PAN2: variants seen among roughly 807,000 people sequenced by gnomAD.
PAN2 encodes the protein poly(A) specific ribonuclease subunit PAN2.
PAN2 carries 68 observed loss-of-function variants against 133.3 expected under a neutral mutation model. The ratio of observed to expected loss-of-function variants is 0.51; its 90% confidence interval spans 0.42 to 0.62. The LOEUF (loss-of-function observed/expected upper bound fraction) is 0.62, where lower values mean the gene tolerates loss of function less well. PAN2 is among the 20% of genes least tolerant of loss of function. The pLI is 0.00. For missense variants in PAN2, 1,042 were observed against 1,500.5 expected (o/e 0.69, Z 5.05); for synonymous variants, 462 against 544.6 (o/e 0.85, Z 2.11).
chr12:56,318,489 T>C lies in PAN2; in HGVS notation c.3365-55A>G, dbSNP rs900854143. 3.6e-6 allele frequency: 5 copies of C among 1,395,382 alleles called. No individual in the cohort carries two copies. In the Admixed American group the frequency reaches 5.1e-5, roughly 14 times the overall value. 86.4% of individuals were successfully genotyped at this position (1,395,382 alleles called of 1,614,324 possible). A position where few individuals can be genotyped will look rare whatever the true frequency, so the allele number is the denominator to read the frequency against. The stretch of plus-strand genomic sequence containing the variant: ...GACCCAGCAAAGGGAGGTAGGAACA[T>C]GTCTCCCCACTCCTACCTGACTCCA... On this transcript the variant is annotated intron_variant, in intron 24 of 25. Transcript: ENST00000440411.
At chr12:56,322,544 G>A (rs1874676933) in intron 18 of PAN2, 62 bp from the exon 19 acceptor site, 1 of 1,610,432 alleles carries the variant, frequency 6.2e-7, no homozygotes, top group East Asian at 2.2e-5. Flanking sequence ...CTCTGTCTCA[G>A]ACTCAAGGAC....
intron 17 of PAN2, 122 bp downstream of exon 17, chr12:56,322,940 A>G: frequency 1.5e-6 from 2 of 1,336,640 alleles, no homozygotes; most frequent in Non-Finnish European, 2.1e-6. Context: ...CCTAACAGGT[A>G]AATACTAGGC....
Position 56,333,049 on chromosome 12 carries a change from C to G in PAN2, c.46G>C (p.Ala16Pro). 1 of 1,614,164 alleles carries G rather than the reference C, an allele frequency of 6.2e-7. No individual in the cohort carries two copies. Among genetic ancestry groups the G allele is most frequent in the Non-Finnish European group, 8.5e-7 (1 of 1,180,036 alleles). ...LDPGLAEYAP[A>P]MHSALDPVLD... is the part of the protein sequence containing the mutation. Reference sequence around the variant, plus strand: ...ACAGGGTCCAGGGCAGAATGCATGGCTGGGGCATATTCTGCCAGTCCAGGG... The same window carrying G: ...ACAGGGTCCAGGGCAGAATGCATGGGTGGGGCATATTCTGCCAGTCCAGGG... The change falls in exon 2 of 26, where the codon GCC becomes CCC. Residue 16 changes from alanine (A) to proline (P), a missense_variant. Ala to Pro is a conservative substitution (Grantham distance 27). Transcript: ENST00000440411.
At chr12:56,330,661 T>C (rs1592448398) in intron 2 of PAN2, among the ~76,000 whole-genome samples, 1 of 150,968 alleles carries the variant, frequency 6.6e-6, no homozygotes, top group Non-Finnish European at 1.5e-5. Context: ...GCCCGGCCTG[T>C]ATTTTTCTTT....
chr12:56,332,125 C>T (rs1875949753), intron 2 of PAN2, among the ~76,000 whole-genome samples: 1 of 151,950 alleles, frequency 6.6e-6, no homozygotes, highest in South Asian at 2.1e-4. Flanking sequence ...TTAAAATCAG[C>T]CAGAGAAGAC....
intron 14 of PAN2, 93 bp from the exon 15 acceptor site, chr12:56,323,691 CT>C: frequency 7.1e-7 from 1 of 1,400,724 alleles, no homozygotes; most frequent in Non-Finnish European, 1.0e-6. Context: ...ACTGGGATTC[CT>C]CACTCCACCA....
chr12:56,330,800 TTC>T (rs1374753829), intron 2 of PAN2, among the ~76,000 whole-genome samples: 2 of 151,850 alleles, frequency 1.3e-5, no homozygotes, highest in Middle Eastern at 3.2e-3. Flanking sequence ...CATTGTATTT[TTC>T]TTTTTCTTTT....
Position 56,323,062 on chromosome 12 carries a change from C to T in PAN2, c.2493G>A (p.Gln831=). ...VCNWTDGDEM[Q]WGPARAEEEH... is the part of the protein sequence containing the mutation. ...TTCCTCTTCCCGGTTTTTCAACAAC[C>T]TGCATCTCATCCCCATCAGTCCAAT... The change falls in exon 17 of 26, where the codon CAG becomes CAA. Residue 831 remains glutamine, a splice_region_variant and synonymous_variant. Transcript: ENST00000440411. 6.2e-7 allele frequency: 1 copy of T among 1,614,014 alleles called. No homozygotes were observed. The highest frequency in any genetic ancestry group is 2.2e-5 in the East Asian group (1 of 44,890).
intron 10 of PAN2, 47 bp from the exon 11 acceptor site, chr12:56,324,756 T>A: frequency 6.3e-7 from 1 of 1,585,050 alleles, no homozygotes. Context: ...GGCCTGGGGG[T>A]GAGGAGAAAT....
intron 20 of PAN2, among the ~76,000 whole-genome samples, chr12:56,320,274 C>A (rs940822881): frequency 1.3e-5 from 2 of 152,044 alleles, no homozygotes; most frequent in Admixed American, 1.3e-4. Flanking sequence ...TTCACTTGGA[C>A]CTTAGTTTAC....
chr12:56,330,855 G>C (rs987720552), intron 2 of PAN2, among the ~76,000 whole-genome samples: 4 of 151,964 alleles, frequency 2.6e-5, no homozygotes, highest in Non-Finnish European at 5.9e-5. Flanking sequence ...CAGGAGTGCA[G>C]TGGTGTGATC....
rs1874044413 is a variant in PAN2, at chr12:56,317,530, C to T, written c.*79G>A. ...AGTACTGGAAGTGGACAAGGTATAG[C>T]CAACTTAGGAAGCCATCTCCCAGTT... On this transcript the variant is annotated 3_prime_UTR_variant, in exon 26 of 26. Transcript: ENST00000440411. The T allele has an allele frequency of 7.9e-7, 1 of 1,265,702 alleles. No homozygotes were observed. Among genetic ancestry groups the T allele is most frequent in the Admixed American group, 1.7e-5 (1 of 57,572 alleles). 78.4% of individuals were successfully genotyped at this position (1,265,702 alleles called of 1,614,324 possible).
Position 56,323,066 on chromosome 12 carries a change from A to G in PAN2, c.2489T>C (p.Met830Thr), listed in dbSNP as rs1195423318. The change falls in exon 17 of 26, where the codon ATG becomes ACG. Residue 830 changes from methionine to threonine, a missense_variant. By Grantham distance (81) the Met-to-Thr change is moderately conservative. Coordinates refer to ENST00000440411, the MANE Select transcript of PAN2 (RefSeq NM_014871.6). ...DVCNWTDGDE[M>T]QWGPARAEEE... ...TCTTCCCGGTTTTTCAACAACCTGC[A>G]TCTCATCCCCATCAGTCCAATTGCA... is the stretch of plus-strand genomic sequence containing the variant. The G allele has an allele frequency of 6.2e-7, 1 of 1,613,764 alleles. No homozygotes were observed. Among genetic ancestry groups the G allele is most frequent in the Middle Eastern group, 1.7e-4 (1 of 5,964 alleles).
In PAN2 at chr12:56,319,573, T is replaced by C. The variant is rs554263047; in HGVS notation, c.3090+48A>G. 1 of 1,590,030 alleles carries C rather than the reference T, an allele frequency of 6.3e-7. No homozygotes were observed. The highest frequency in any genetic ancestry group is 2.2e-5 in the East Asian group (1 of 44,748). Reference sequence around the variant, plus strand: ...CTCTTCCCTGGGTTCTTGAGCACTGTAAGTAAGCACCAGGGTGTGCCTCAC... The same window carrying C: ...CTCTTCCCTGGGTTCTTGAGCACTGCAAGTAAGCACCAGGGTGTGCCTCAC... On this transcript the variant is annotated intron_variant, in intron 22 of 25. Coordinates refer to ENST00000440411, the MANE Select transcript of PAN2 (RefSeq NM_014871.6). This position sits in a 1 kb window ranked among gnomAD's most constrained non-coding sequence, Gnocchi z 5.4.
chr12:56,323,829 G>A lies in PAN2; in HGVS notation c.2150C>T (p.Thr717Ile). ...LDQNTQAWCD[T>I]CEKYQPTIQT... Reference sequence around the variant, plus strand: ...CACCGTGGGCTGGTACTTTTCACAGGTGTCACACCAGGCCTGTGTATTCTG... The same window carrying A: ...CACCGTGGGCTGGTACTTTTCACAGATGTCACACCAGGCCTGTGTATTCTG... Residue 717 changes from threonine to isoleucine, a missense_variant, in exon 14 of 26, where the codon ACC becomes ATC. Physicochemically the swap from Thr to Ile is moderately conservative, Grantham distance 89. Transcript: ENST00000440411. The A allele has an allele frequency of 6.2e-7, 1 of 1,613,208 alleles. No individual in the cohort carries two copies. Among genetic ancestry groups the A allele is most frequent in the African/African-American group, 1.3e-5 (1 of 75,040 alleles).
intron 16 of PAN2, 49 bp from the exon 17 acceptor site, chr12:56,323,258 A>G (rs765346002): frequency 6.2e-7 from 1 of 1,614,032 alleles, no homozygotes; most frequent in South Asian, 1.1e-5. Flanking sequence ...GGTCTTGATA[A>G]GAGGAACCAC....
intron 5 of PAN2, 89 bp from the exon 6 acceptor site, chr12:56,327,720 G>C (rs1808398130): frequency 6.9e-7 from 1 of 1,440,596 alleles, no homozygotes; most frequent in Admixed American, 2.0e-5. Flanking sequence ...CCTACCAAAG[G>C]AACTAGGGCT....
chr12:56,324,496 G>A lies in PAN2; in HGVS notation c.1729-3C>T. On this transcript the variant is annotated splice_polypyrimidine_tract_variant and splice_region_variant and intron_variant, in intron 11 of 25. Transcript: ENST00000440411. ...AATGCCCGAAGAAAATTATTGCCCT[G>A]GAAATGTGTTGGTGGAAAGGGGTTA... 1 of 1,613,016 alleles carries A rather than the reference G, an allele frequency of 6.2e-7. No homozygotes were observed. The highest frequency in any genetic ancestry group is 1.1e-5 in the South Asian group (1 of 91,024).
At chr12:56,328,719 A>C in intron 2 of PAN2, 78 bp from the exon 3 acceptor site, 1 of 1,201,408 alleles carries the variant, frequency 8.3e-7, no homozygotes. Context: ...GGGACTGAAC[A>C]TGGCTCAGCT....
Sources: allele counts gnomAD v4.1 joint callset (sites outside exome capture counted in the v4.1 genomes callset), GRCh38; gene constraint gnomAD v4.1.1; non-coding constraint Gnocchi (gnomAD v3.1); transcripts MANE v1.5; gene names NCBI Gene and HGNC (gene_info 2026-07-23, HGNC 2026-07-21).